Variants in UBE2N observed in about 807,000 individuals in gnomAD.
UBE2N encodes ubiquitin-conjugating enzyme E2 N.
For synonymous variants in UBE2N, 70 were observed against 69.2 expected (o/e 1.01, Z -0.06); for missense variants, 60 against 192.1 (o/e 0.31, Z 4.07).
intron 1 of UBE2N, among the ~76,000 whole-genome samples, chr12:93,425,719 T>C (rs2121080896): frequency 6.6e-6 from 1 of 152,244 alleles, no homozygotes; most frequent in South Asian, 2.1e-4. Flanking sequence ...AAAAAAGACT[T>C]GCAAGACTCC....
At position 93,409,697 on chromosome 12, in the gene UBE2N, A is replaced by G. The variant is rs1877977923; in HGVS notation, c.*342T>C. On this transcript the variant is annotated 3_prime_UTR_variant, in exon 4 of 4. Transcript: ENST00000318066. ...AAAATAAAATAAAATAAAATAAAATAAAAACACCCACACCCCTGCAGCTAA... is the reference window on the plus strand; with the variant it reads ...AAAATAAAATAAAATAAAATAAAATGAAAACACCCACACCCCTGCAGCTAA... 2 of 196,636 alleles carry G rather than the reference A, an allele frequency of 1.0e-5. No homozygotes were observed. 12.2% of individuals were successfully genotyped at this position (196,636 alleles called of 1,614,324 possible). A position where few individuals can be genotyped will look rare whatever the true frequency, so the allele number is the denominator to read the frequency against.
intron 1 of UBE2N, among the ~76,000 whole-genome samples, chr12:93,437,431 G>A (rs921713237): frequency 2.6e-5 from 4 of 152,022 alleles, no homozygotes; most frequent in African/African-American, 9.7e-5. Flanking sequence ...CAAGGTATTT[G>A]CATGAGAAGG....
rs2121054077 is a variant in UBE2N at position 93,410,544 on chromosome 12, G to C, written c.418+190C>G. 4.0e-6 allele frequency: 3 copies of C among 755,820 alleles called. No individual in the cohort carries two copies. In the South Asian group the frequency reaches 5.7e-5, roughly 14 times the overall value. The allele number at this position is 755,820 out of a possible 1,614,324, so 46.8% of individuals were successfully genotyped here. ...GAGACTCCAAGATCTTTCAATTACAGGTTGTCTTTATATTTGGGGGGTCCC... is the reference window on the plus strand; with the variant it reads ...GAGACTCCAAGATCTTTCAATTACACGTTGTCTTTATATTTGGGGGGTCCC... On this transcript the variant is annotated intron_variant, in intron 3 of 3. Coordinates refer to ENST00000318066, the MANE Select transcript of UBE2N (RefSeq NM_003348.4).
intron 1 of UBE2N, among the ~76,000 whole-genome samples, chr12:93,438,923 C>T (rs1879015395): frequency 6.6e-6 from 1 of 152,188 alleles, no homozygotes; most frequent in South Asian, 2.1e-4. Context: ...GAATGTTACA[C>T]TAATCAAGAT....
chr12:93,439,858 G>A (rs1879048975), intron 1 of UBE2N, among the ~76,000 whole-genome samples: 2 of 143,792 alleles, frequency 1.4e-5, no homozygotes, highest in Non-Finnish European at 3.0e-5. Flanking sequence ...ACAAGATACC[G>A]TAAAATTAAG....
At position 93,410,832 on chromosome 12, in the gene UBE2N, G is replaced by A. The variant is rs1565791308; in HGVS notation, c.320C>T (p.Ser107Leu). The change falls in exon 3 of 4, where the codon TCG becomes TTG. Residue 107 changes from serine to leucine, a missense_variant. Physicochemically the swap from Ser to Leu is moderately radical, Grantham distance 145. Coordinates refer to ENST00000318066, the MANE Select transcript of UBE2N (RefSeq NM_003348.4). ...GGGAGCACTTAACAAGGCCTGGATC[G>A]ATAGCAGAACTGTGCGGATCTGCAG... The part of the protein sequence containing the change: ...PALQIRTVLL[S>L]IQALLSAPNP... The A allele has an allele frequency of 6.2e-7, 1 of 1,614,066 alleles. No homozygotes were observed. Among genetic ancestry groups the A allele is most frequent in the Non-Finnish European group, 8.5e-7 (1 of 1,180,012 alleles).
intron 2 of UBE2N, 49 bp from the exon 3 acceptor site, chr12:93,410,923 C>T (rs767940048): frequency 1.2e-6 from 2 of 1,613,968 alleles, no homozygotes; most frequent in Non-Finnish European, 1.7e-6. Flanking sequence ...AAAACAGGCC[C>T]AGAACTGCTT....
chr12:93,416,455 T>C (rs1213194565), intron 1 of UBE2N, among the ~76,000 whole-genome samples: 1 of 151,328 alleles, frequency 6.6e-6, no homozygotes, highest in Non-Finnish European at 1.5e-5. Flanking sequence ...ATCTATCTTT[T>C]TTTTTTTTTT....
At position 93,407,714 on chromosome 12, in the gene UBE2N, G is replaced by C. The variant is rs948677931; in HGVS notation, c.*2325C>G. The C allele has an allele frequency of 1.3e-5, 2 of 152,216 alleles. No homozygotes were observed. Among genetic ancestry groups the C allele is most frequent in the Non-Finnish European group, 2.9e-5 (2 of 68,034 alleles). 9.4% of individuals were successfully genotyped at this position (152,216 alleles called of 1,614,324 possible). On this transcript the variant is annotated 3_prime_UTR_variant, in exon 4 of 4. Transcript: ENST00000318066. ...AAAATGTTGGCATCAAATTCAGAAT[G>C]TTTTAACCAGCCACACTGTGTGGGC...
Position 93,413,481 on chromosome 12 carries a change from C to T in UBE2N, c.31-2182G>A, listed in dbSNP as rs1413225658. ...ATCTAGCCCAGACCTCTCCCCTCAT[C>T]GTGCCTCTTGCCTCTATAACTACCT... is the stretch of plus-strand genomic sequence containing the variant. On this transcript the variant is annotated intron_variant, in intron 1 of 3. Transcript: ENST00000318066. 2.6e-5 allele frequency among the ~76,000 whole-genome samples: 4 copies of T among 152,052 alleles called. No homozygotes were observed. In the South Asian group the frequency reaches 8.3e-4, roughly 32 times the overall value.
Position 93,406,362 on chromosome 12 carries a change from A to G in UBE2N, c.*3677T>C, listed in dbSNP as rs1877819592. 6.7e-6 allele frequency: 1 copy of G among 149,720 alleles called. No individual in the cohort carries two copies. The highest frequency in any genetic ancestry group is 1.5e-5 in the Non-Finnish European group (1 of 67,736). 9.3% of individuals were successfully genotyped at this position (149,720 alleles called of 1,614,324 possible). On this transcript the variant is annotated 3_prime_UTR_variant, in exon 4 of 4. Transcript: ENST00000318066. The stretch of plus-strand genomic sequence containing the variant: ...CCTATTCCTATCATTTCCTCGATCC[A>G]ATTTAGTTCCACTTAGGTCACTGTG...
chr12:93,417,041 T>C (rs1725552502), intron 1 of UBE2N, among the ~76,000 whole-genome samples: 1 of 152,264 alleles, frequency 6.6e-6, no homozygotes, highest in Admixed American at 6.5e-5. Context: ...CTGTAGACTA[T>C]GTTCAGGAAA....
At chr12:93,420,086 A>T (rs1878359477) in intron 1 of UBE2N, among the ~76,000 whole-genome samples, 2 of 152,222 alleles carry the variant, frequency 1.3e-5, no homozygotes, top group Admixed American at 1.3e-4. Context: ...AAAATTTCTT[A>T]GGTGGCAGAT....
chr12:93,433,642 G>C (rs1592750621), intron 1 of UBE2N, among the ~76,000 whole-genome samples: 1 of 152,156 alleles, frequency 6.6e-6, no homozygotes, highest in East Asian at 1.9e-4. Flanking sequence ...TTTGTTTTTA[G>C]AAAGCAGCAC....
At chr12:93,421,207 T>TGGGGGG (rs1188470851) in intron 1 of UBE2N, among the ~76,000 whole-genome samples, 2 of 107,166 alleles carry the variant, frequency 1.9e-5, no homozygotes, top group African/African-American at 7.9e-5. Context: ...CTTTTTTTTT[T>TGGGGGG]GGGGGGGCTG....
chr12:93,423,637 T>C (rs1047860770), intron 1 of UBE2N, among the ~76,000 whole-genome samples: 4 of 152,224 alleles, frequency 2.6e-5, no homozygotes, highest in African/African-American at 9.6e-5. Context: ...ATTGTACCAA[T>C]GTGATATGTG....
chr12:93,410,949 G>A (rs1292697561), intron 2 of UBE2N, 75 bp from the exon 3 acceptor site: 2 of 1,613,528 alleles, frequency 1.2e-6, no homozygotes, highest in Non-Finnish European at 1.7e-6. Flanking sequence ...CCCTCCCACA[G>A]ACCTCTCTGA....
At chr12:93,410,566 T>C in intron 3 of UBE2N, 168 bp downstream of exon 3, 1 of 963,520 alleles carries the variant, frequency 1.0e-6, no homozygotes, top group Non-Finnish European at 1.5e-6. Context: ...ATTTGGGGGG[T>C]CCCATAGCAA....
chr12:93,439,706 C>A (rs1298205451), intron 1 of UBE2N, among the ~76,000 whole-genome samples: 1 of 152,054 alleles, frequency 6.6e-6, no homozygotes, highest in African/African-American at 2.4e-5. Flanking sequence ...CTACATAACA[C>A]AAGCATGGAC....
Sources: allele counts gnomAD v4.1 joint callset (sites outside exome capture counted in the v4.1 genomes callset), GRCh38; gene constraint gnomAD v4.1.1; transcripts MANE v1.5; gene names NCBI Gene and HGNC (gene_info 2026-07-23, HGNC 2026-07-21).